TRIM22: variants seen among roughly 807,000 people sequenced by gnomAD.
TRIM22 encodes E3 ubiquitin-protein ligase TRIM22.
TRIM22 carries 45 observed loss-of-function variants against 53.6 expected under a neutral mutation model. The ratio of observed to expected loss-of-function variants is 0.84; its 90% CI spans 0.66 to 1.08. The LOEUF (loss-of-function observed/expected upper bound fraction) is 1.08. TRIM22 is among the 50% of genes least tolerant of loss of function. The probability of loss-of-function intolerance (pLI) is 0.00; values close to 1 mark genes in which losing one functional copy is unlikely to be tolerated. For synonymous variants in TRIM22, 225 were observed against 216.6 expected (o/e 1.04, Z -0.34); for missense variants, 616 against 590.9 (o/e 1.04, Z -0.44).
At chr11:5,708,704 A>C in intron 7 of TRIM22, 101 bp downstream of exon 7, 1 of 1,100,632 alleles carries the variant, frequency 9.1e-7, no homozygotes, top group Admixed American at 2.8e-5. Context: ...AACATGCTTA[A>C]ACCATGTAGT....
At chr11:5,693,450 G>C (rs1191140913) in intron 1 of TRIM22, among the ~76,000 whole-genome samples, 1 of 151,806 alleles carries the variant, frequency 6.6e-6, no homozygotes, top group Non-Finnish European at 1.5e-5. Flanking sequence ...GCCGGGCGCG[G>C]TGGCTCACGC....
intron 1 of TRIM22, among the ~76,000 whole-genome samples, chr11:5,694,784 G>A (rs945603888): frequency 1.3e-5 from 2 of 152,052 alleles, no homozygotes; most frequent in African/African-American, 4.8e-5. Flanking sequence ...TCCTATTATG[G>A]TGTTGGTGGT....
intron 3 of TRIM22, 49 bp downstream of exon 3, chr11:5,697,392 G>A: frequency 7.1e-7 from 1 of 1,409,150 alleles, no homozygotes; most frequent in Non-Finnish European, 9.8e-7. Flanking sequence ...ATCTGGGCAG[G>A]ACCCTGGGCT....
At chr11:5,692,530 C>CT (rs756531405) in intron 1 of TRIM22, among the ~76,000 whole-genome samples, 3 of 152,228 alleles carry the variant, frequency 2.0e-5, no homozygotes, top group Non-Finnish European at 4.4e-5. Flanking sequence ...AAAAGGAACT[C>CT]TGAGTTTAGA....
Position 5,708,188 on chromosome 11 carries a change from A to T in TRIM22, c.789A>T (p.Thr263=). 6.2e-7 allele frequency: 1 copy of T among 1,614,142 alleles called. No homozygotes were observed. The highest frequency in any genetic ancestry group is 8.5e-7 in the Non-Finnish European group (1 of 1,179,954). Residue 263 remains threonine, a synonymous_variant, in exon 6 of 8, where the codon ACA becomes ACT. Coordinates refer to ENST00000379965, the MANE Select transcript of TRIM22 (RefSeq NM_006074.5). ...TTATCACTAGGAGTGAAAGCTGGAC[A>T]TTGAAGAAGCCAAAATCTGTTTCCA... The part of the protein sequence containing the change: ...IDVMKRSESW[T]LKKPKSVSKK...
chr11:5,692,031 C>T (rs952862584), intron 1 of TRIM22, among the ~76,000 whole-genome samples: 2 of 151,686 alleles, frequency 1.3e-5, no homozygotes, highest in Non-Finnish European at 2.9e-5. Context: ...AAAACAAAAA[C>T]AAAAAAACTA....
intron 4 of TRIM22, among the ~76,000 whole-genome samples, chr11:5,700,460 T>C (rs1012990481): frequency 2.0e-4 from 30 of 152,018 alleles, no homozygotes; most frequent in African/African-American, 6.8e-4. Context: ...TTTATTACAC[T>C]AGCTAGGACT....
intron 4 of TRIM22, among the ~76,000 whole-genome samples, chr11:5,706,014 T>C (rs2134182485): frequency 6.6e-6 from 1 of 152,348 alleles, no homozygotes; most frequent in African/African-American, 2.4e-5. Context: ...TAAGGACTTT[T>C]ATTATTAATT....
At chr11:5,707,549 C>G (rs2134183623) in intron 5 of TRIM22, among the ~76,000 whole-genome samples, 1 of 152,248 alleles carries the variant, frequency 6.6e-6, no homozygotes, top group African/African-American at 2.4e-5. Context: ...GTGGGTCACG[C>G]CTACAATGCT....
At chr11:5,700,318 T>C (rs915259473) in intron 4 of TRIM22, among the ~76,000 whole-genome samples, 1 of 152,068 alleles carries the variant, frequency 6.6e-6, no homozygotes, top group Non-Finnish European at 1.5e-5. Context: ...ATTCACTGTG[T>C]TGCCCAGGCT....
In TRIM22 at chr11:5,708,440, G is replaced by A. The variant is rs149994054; in HGVS notation, c.875-137G>A. 4.6e-3 allele frequency: 4,665 copies of A among 1,008,432 alleles called. 21 individuals are homozygous for A. Among genetic ancestry groups the A allele is most frequent in the Non-Finnish European group, 5.6e-3 (3,837 of 682,798 alleles). The allele number at this position is 1,008,432 out of a possible 1,614,324, so 62.5% of individuals were successfully genotyped here. A position where few individuals can be genotyped will look rare whatever the true frequency, so the allele number is the denominator to read the frequency against. Reference sequence around the variant, plus strand: ...CCTGTCTTAGGGGGAATGACCAGGTGTCTGATTCATCCTCTCATTCACCAG... The same window carrying A: ...CCTGTCTTAGGGGGAATGACCAGGTATCTGATTCATCCTCTCATTCACCAG... On this transcript the variant is annotated intron_variant, in intron 6 of 7. Coordinates refer to ENST00000379965, the MANE Select transcript of TRIM22 (RefSeq NM_006074.5).
rs189132507 is a variant in TRIM22 at position 5,693,694 on chromosome 11, C to A, written c.-66-2473C>A. Among the ~76,000 whole-genome samples the A allele has an allele frequency of 1.4e-3, 169 of 122,628 alleles. 2 individuals are homozygous for A. The East Asian group carries it at 0.031, about 23-fold the overall frequency. The allele number at this position is 122,628 out of a possible 152,430, so 80.4% of individuals were successfully genotyped here. ...CCGAGATCGCACCACTGCACTCCAG[C>A]CTGGGTGACAGAGTGAGACTCCGTC... On this transcript the variant is annotated intron_variant, in intron 1 of 7. Transcript: ENST00000379965.
intron 1 of TRIM22, among the ~76,000 whole-genome samples, chr11:5,693,649 G>A (rs529408262): frequency 1.0e-3 from 152 of 149,956 alleles, no homozygotes; most frequent in African/African-American, 3.6e-3. Flanking sequence ...GTGAACCCGA[G>A]AGGCGGAGCT....
In TRIM22 at chr11:5,709,494, A is replaced by G. The variant is rs1853522219; in HGVS notation, c.1343A>G (p.Asp448Gly). 1 of 1,614,130 alleles carries G rather than the reference A, an allele frequency of 6.2e-7. No individual in the cohort carries two copies. The highest frequency in any genetic ancestry group is 8.5e-7 in the Non-Finnish European group (1 of 1,180,030). The change falls in exon 8 of 8, where the codon GAC (aspartate) becomes GGC (glycine). Residue 448 changes from aspartate to glycine, a missense_variant. Transcript: ENST00000379965. ...CCCTGTCGTATTGGGGTTTTCCTAG[A>G]CTATGAGGCAGGCATTGTCTCATTT... is the stretch of plus-strand genomic sequence containing the variant. ...VPPCRIGVFL[D>G]YEAGIVSFFN...
Position 5,696,250 on chromosome 11 carries a change from G to C in TRIM22, c.18G>C (p.Lys6Asn), listed in dbSNP as rs764847056. 1 of 1,611,230 alleles carries C rather than the reference G, an allele frequency of 6.2e-7. No homozygotes were observed. Among genetic ancestry groups the C allele is most frequent in the Non-Finnish European group, 8.5e-7 (1 of 1,178,536 alleles). ...GCAGTGCAATGGATTTCTCAGTAAA[G>C]GTAGACATAGAGAAGGAGGTGACCT... MDFSV[K>N]VDIEKEVTCP... Residue 6 changes from lysine (K) to asparagine (N), a missense_variant, in exon 2 of 8, where the codon AAG becomes AAC. Transcript: ENST00000379965.
At chr11:5,702,829 C>T (rs956321608) in intron 4 of TRIM22, among the ~76,000 whole-genome samples, 1 of 152,144 alleles carries the variant, frequency 6.6e-6, no homozygotes, top group African/African-American at 2.4e-5. Context: ...TGAATAATGT[C>T]TTTTAACGTT....
chr11:5,708,652 A>C (rs1564944316), intron 7 of TRIM22, 49 bp downstream of exon 7: 1 of 1,549,710 alleles, frequency 6.5e-7, no homozygotes, highest in East Asian at 2.3e-5. Context: ...AATTGTGGTT[A>C]CTATTAGATC....
chr11:5,698,370 T>C lies in TRIM22; in HGVS notation c.575T>C (p.Val192Ala), dbSNP rs1010389752. Reference sequence around the variant, plus strand: ...CTGAAAGGGTTCAATGAAATGAGAGTCATCTTGGACAATGAGGAGCAGAGA... The same window carrying C: ...CTGAAAGGGTTCAATGAAATGAGAGCCATCTTGGACAATGAGGAGCAGAGA... ...KILKGFNEMR[V>A]ILDNEEQREL... The change falls in exon 4 of 8, where the codon GTC becomes GCC. Residue 192 changes from valine (V) to alanine (A), a missense_variant. Physicochemically the swap from Val to Ala is moderately conservative, Grantham distance 64. Transcript: ENST00000379965. 8 of 1,613,838 alleles carry C rather than the reference T, an allele frequency of 5.0e-6. No homozygotes were observed. Among genetic ancestry groups the C allele is most frequent in the Non-Finnish European group, 6.8e-6 (8 of 1,179,996 alleles).
Position 5,709,717 on chromosome 11 carries a change from T to A in TRIM22, c.*69T>A, listed in dbSNP as rs1590322414. 1.5e-6 allele frequency: 2 copies of A among 1,342,562 alleles called. No individual in the cohort carries two copies. The highest frequency in any genetic ancestry group is 4.6e-5 in the East Asian group (2 of 43,300). The allele number at this position is 1,342,562 out of a possible 1,614,324, so 83.2% of individuals were successfully genotyped here. On this transcript the variant is annotated 3_prime_UTR_variant, in exon 8 of 8. Coordinates refer to ENST00000379965, the MANE Select transcript of TRIM22 (RefSeq NM_006074.5). The stretch of plus-strand genomic sequence containing the variant: ...CTGAGACTCAGATTCTGCACCTGAG[T>A]TCATCTCTACTGAGACCATCTCTTC...
Sources: allele counts gnomAD v4.1 joint callset (sites outside exome capture counted in the v4.1 genomes callset), GRCh38; gene constraint gnomAD v4.1.1; transcripts MANE v1.5; gene names NCBI Gene and HGNC (gene_info 2026-07-23, HGNC 2026-07-21).